DMXL1: variants seen among roughly 807,000 people sequenced by gnomAD.
DMXL1 encodes the protein dmX-like protein 1.
In DMXL1, 99 loss-of-function variants were observed where a neutral mutation model predicts 319.2. That is an observed-to-expected ratio of 0.31 (90% CI 0.26 to 0.37). The LOEUF is 0.37. DMXL1 is among the 10% of genes least tolerant of loss of function. The probability of loss-of-function intolerance (pLI) is 1.00; values close to 1 mark genes in which losing one functional copy is unlikely to be tolerated. For missense variants in DMXL1, 3,745 were observed against 3,595.6 expected, an observed-to-expected ratio of 1.04 and a Z score of -1.06; for synonymous variants, 1,385 against 1,235.2, an observed-to-expected ratio of 1.12 and a Z score of -2.54.
chr5:119,103,801 A>T (rs1027675402), intron 3 of DMXL1, among the ~76,000 whole-genome samples: 1 of 152,200 alleles, frequency 6.6e-6, no homozygotes, highest in African/African-American at 2.4e-5. Flanking sequence ...TAAAATAAGT[A>T]GCTTTTGAAA....
intron 4 of DMXL1, among the ~76,000 whole-genome samples, chr5:119,105,530 G>A (rs1179633560): frequency 6.6e-6 from 1 of 152,162 alleles, no homozygotes; most frequent in Non-Finnish European, 1.5e-5. Context: ...TTGAAAAGGA[G>A]CCTTTGGACC....
At chr5:119,088,071 G>A (rs1753773927) in intron 1 of DMXL1, among the ~76,000 whole-genome samples, 1 of 152,134 alleles carries the variant, frequency 6.6e-6, no homozygotes, top group Admixed American at 6.5e-5. Context: ...CAAAGTGCTG[G>A]GATTACAGGT....
intron 34 of DMXL1, among the ~76,000 whole-genome samples, chr5:119,216,379 T>A (rs1288507284): frequency 6.6e-6 from 1 of 152,132 alleles, no homozygotes; most frequent in African/African-American, 2.4e-5. Context: ...AATTTCAGGT[T>A]TCTCTATAAA....
intron 29 of DMXL1, among the ~76,000 whole-genome samples, chr5:119,191,800 C>G (rs1428339433): frequency 1.3e-5 from 2 of 152,202 alleles, no homozygotes; most frequent in Non-Finnish European, 1.5e-5. Flanking sequence ...CCTGCTGACC[C>G]TGGTGGAACA....
intron 34 of DMXL1, among the ~76,000 whole-genome samples, chr5:119,210,757 G>GTTTTTTTTTTTTTTTTTTTTTCTTT: frequency 8.9e-5 from 8 of 89,774 alleles, no homozygotes; most frequent in Non-Finnish European, 1.3e-4. Flanking sequence ...TTTTTCTTTC[G>GTTTTTTTTTTTTTTTTTTTTTCTTT]TTTTTTTTTT....
chr5:119,097,339 G>C (rs1756196538), intron 1 of DMXL1, among the ~76,000 whole-genome samples: 1 of 152,196 alleles, frequency 6.6e-6, no homozygotes. Flanking sequence ...ATTAGAGGGA[G>C]GCAAGAATGG....
chr5:119,148,754 C>G lies in DMXL1; in HGVS notation c.2927C>G (p.Ser976Cys). The change falls in exon 18 of 44, where the codon TCT becomes TGT. Residue 976 changes from serine (S) to cysteine (C), a missense_variant. Around this residue, in one of 4 missense-constraint regions of DMXL1, gnomAD observed 2,096 missense variants for 1,985.4 expected, o/e 1.06. Transcript: ENST00000539542. ...TTTATTTTAGGACATCTGAGTTCAT[C>G]TTCTATATATCCTGCATGCAGTGCT... is the stretch of plus-strand genomic sequence containing the variant. ...IKPSAGHLSSSSIYPACSAPY... is the reference protein window; with the variant it reads ...IKPSAGHLSSCSIYPACSAPY... The G allele has an allele frequency of 6.2e-7, 1 of 1,606,052 alleles. No individual in the cohort carries two copies. The highest frequency in any genetic ancestry group is 1.7e-4 in the Middle Eastern group (1 of 6,004).
intron 25 of DMXL1, 123 bp downstream of exon 25, chr5:119,172,092 C>A: frequency 1.1e-6 from 1 of 870,942 alleles, no homozygotes; most frequent in Non-Finnish European, 1.7e-6. Flanking sequence ...TGTTACATTG[C>A]CAAGTTTATG....
intron 39 of DMXL1, among the ~76,000 whole-genome samples, chr5:119,233,734 T>C (rs1469044657): frequency 6.6e-6 from 1 of 152,132 alleles, no homozygotes; most frequent in African/African-American, 2.4e-5. Context: ...TTTTTATTAT[T>C]AAATGCTCCT....
intron 34 of DMXL1, 121 bp from the exon 35 acceptor site, chr5:119,216,780 A>G: frequency 1.6e-6 from 1 of 643,376 alleles, no homozygotes; most frequent in Non-Finnish European, 2.7e-6. Flanking sequence ...TAATACCTTT[A>G]GAATTGAAAT....
In DMXL1 at chr5:119,073,999, A is replaced by G. The variant is rs540184529; in HGVS notation, c.87+2343A>G. 2.6e-4 allele frequency among the ~76,000 whole-genome samples: 40 copies of G among 152,016 alleles called. 1 individual carries two copies. The South Asian group carries it at 8.1e-3, about 31-fold the overall frequency. ...AATGGCGCGATCTTAGCTCACTGCAACTTCCGCCTCCTGTGTTCAAGAGAT... is the reference window on the plus strand; with the variant it reads ...AATGGCGCGATCTTAGCTCACTGCAGCTTCCGCCTCCTGTGTTCAAGAGAT... On this transcript the variant is annotated intron_variant, in intron 1 of 43. Transcript: ENST00000539542.
chr5:119,127,692 G>C, intron 9 of DMXL1: 1 of 188,272 alleles, frequency 5.3e-6, no homozygotes, highest in Middle Eastern at 2.2e-3. Flanking sequence ...GCCTGCTCTG[G>C]CCTCCCAGAG....
At chr5:119,102,771 G>T (rs1368095146) in intron 3 of DMXL1, among the ~76,000 whole-genome samples, 1 of 152,126 alleles carries the variant, frequency 6.6e-6, no homozygotes, top group African/African-American at 2.4e-5. Context: ...TTCCAGCCAG[G>T]GTGACACAGT....
chr5:119,089,292 ATTTTTTT>A lies in DMXL1; in HGVS notation c.88-8662_88-8656del, dbSNP rs1157921856. 6.5e-4 allele frequency among the ~76,000 whole-genome samples: 26 copies of A among 39,856 alleles called. 1 individual carries two copies. In the East Asian group the frequency reaches 0.028, roughly 43 times the overall value. The allele number at this position is 39,856 out of a possible 152,430, so 26.1% of individuals were successfully genotyped here. On this transcript the variant is annotated intron_variant, in intron 1 of 43. Transcript: ENST00000539542. ...TATATATATACATATATATATATAT[ATTTTTTT>A]TTTTTTTTTTTTTTTTTTTTTTTTG... is the stretch of plus-strand genomic sequence containing the variant.
chr5:119,189,911 A>G (rs374066039), intron 29 of DMXL1, 25 bp downstream of exon 29: 74 of 1,572,272 alleles, frequency 4.7e-5, no homozygotes, highest in Non-Finnish European at 6.2e-5. Context: ...ATCTAGATCA[A>G]TATTTTCATA....
chr5:119,125,204 T>G (rs759543117), intron 9 of DMXL1, among the ~76,000 whole-genome samples: 1 of 152,200 alleles, frequency 6.6e-6, no homozygotes, highest in Non-Finnish European at 1.5e-5. Flanking sequence ...TATATGAATA[T>G]AGCTAAATAC....
At chr5:119,093,511 A>G (rs745837513) in intron 1 of DMXL1, among the ~76,000 whole-genome samples, 4 of 152,204 alleles carry the variant, frequency 2.6e-5, no homozygotes, top group Non-Finnish European at 5.9e-5. Context: ...TGGAATGCCA[A>G]TGAACTGCGC....
At chr5:119,205,778 GAAAT>G (rs1781638143) in intron 33 of DMXL1, among the ~76,000 whole-genome samples, 2 of 152,038 alleles carry the variant, frequency 1.3e-5, no homozygotes, top group South Asian at 4.1e-4. Flanking sequence ...GAGTTTGTGT[GAAAT>G]TAATCTTTAC....
At position 119,071,411 on chromosome 5, in the gene DMXL1, G is replaced by T. The variant is rs960137662; in HGVS notation, c.-159G>T. 4.4e-6 allele frequency: 3 copies of T among 683,864 alleles called. No homozygotes were observed. The highest frequency in any genetic ancestry group is 3.6e-5 in the South Asian group (2 of 55,710). 42.4% of individuals were successfully genotyped at this position (683,864 alleles called of 1,614,324 possible). Reference sequence around the variant, plus strand: ...CCCTCCGGGGCTCGGGATGAGTCGCGGGCCCCAGCTGAGCGGCTCCGGCTC... The same window carrying T: ...CCCTCCGGGGCTCGGGATGAGTCGCTGGCCCCAGCTGAGCGGCTCCGGCTC... On this transcript the variant is annotated 5_prime_UTR_variant, in exon 1 of 44. Transcript: ENST00000539542.
Sources: allele counts gnomAD v4.1 joint callset (sites outside exome capture counted in the v4.1 genomes callset), GRCh38; gene constraint gnomAD v4.1.1; regional missense constraint gnomAD v4.1.1; transcripts MANE v1.5; gene names NCBI Gene and HGNC (gene_info 2026-07-23, HGNC 2026-07-21).